The following KRT8 variants were observed in gnomAD, a reference collection of about 807,000 sequenced individuals.
The protein encoded by KRT8 is keratin 8.
KRT8 carries 24 observed loss-of-function variants against 43.0 expected under a neutral mutation model. That is an observed-to-expected ratio of 0.56 (90% confidence interval 0.40 to 0.78). KRT8 has a LOEUF of 0.78. Ranked by LOEUF, KRT8 falls within the 30% of genes least tolerant of loss-of-function variation. KRT8 has a pLI of 0.00. For missense variants in KRT8, 492 were observed against 638.4 expected (o/e 0.77, Z 2.47); for synonymous variants, 214 against 261.2 (o/e 0.82, Z 1.74).
At chr12:52,898,159 C>A (rs937319515) in intron 7 of KRT8, among the ~76,000 whole-genome samples, 1 of 152,020 alleles carries the variant, frequency 6.6e-6, no homozygotes, top group East Asian at 1.9e-4. Context: ...AGCGAGACTT[C>A]GTCTCAAAAA....
chr12:52,912,213 G>T (rs1941650279), intron 2 of KRT8, among the ~76,000 whole-genome samples: 1 of 152,148 alleles, frequency 6.6e-6, no homozygotes, highest in South Asian at 2.1e-4. Flanking sequence ...GGGCCCAAAG[G>T]TCCCCCAAGA....
At chr12:52,925,871 G>T (rs1161310939) in intron 2 of KRT8, among the ~76,000 whole-genome samples, 1 of 152,112 alleles carries the variant, frequency 6.6e-6, no homozygotes, top group African/African-American at 2.4e-5. Flanking sequence ...CAGTTCCAGG[G>T]CTGCGTTTCT....
At chr12:52,903,729 G>C (rs1477493733) in intron 1 of KRT8, 1 of 152,366 alleles carries the variant, frequency 6.6e-6, no homozygotes, top group Non-Finnish European at 1.5e-5. Context: ...GTTGGTGGGC[G>C]ACCGCGTTAT....
intron 2 of KRT8, among the ~76,000 whole-genome samples, chr12:52,943,885 G>A (rs931592939): frequency 6.6e-6 from 1 of 152,220 alleles, no homozygotes; most frequent in Non-Finnish European, 1.5e-5. Context: ...ATGATCTGGA[G>A]ATAGGTTCTT....
At chr12:52,912,084 TAAC>T (rs1411160263) in intron 2 of KRT8, among the ~76,000 whole-genome samples, 2 of 152,172 alleles carry the variant, frequency 1.3e-5, no homozygotes, top group African/African-American at 4.8e-5. Flanking sequence ...TCTGGCAGTT[TAAC>T]AACCAAGAGA....
At chr12:52,916,797 A>T (rs1941749696) in intron 2 of KRT8, among the ~76,000 whole-genome samples, 1 of 152,186 alleles carries the variant, frequency 6.6e-6, no homozygotes. Flanking sequence ...CATGCTGACC[A>T]TGCTGGAGCA....
At chr12:52,918,945 G>C (rs1941831190) in intron 2 of KRT8, among the ~76,000 whole-genome samples, 1 of 152,158 alleles carries the variant, frequency 6.6e-6, no homozygotes, top group Admixed American at 6.5e-5. Flanking sequence ...AGTGTCTGCT[G>C]CCTCTTCCCA....
intron 2 of KRT8, among the ~76,000 whole-genome samples, chr12:52,917,125 C>T (rs1307466218): frequency 6.6e-6 from 1 of 152,198 alleles, no homozygotes; most frequent in African/African-American, 2.4e-5. Flanking sequence ...CACACTGGCT[C>T]ATGCCTGTAA....
chr12:52,897,626 G>T lies in KRT8; in HGVS notation c.1262-8C>A. 1 of 1,598,078 alleles carries T rather than the reference G, an allele frequency of 6.3e-7. No individual in the cohort carries two copies. Among genetic ancestry groups the T allele is most frequent in the East Asian group, 2.2e-5 (1 of 44,886 alleles). On this transcript the variant is annotated splice_region_variant and splice_polypyrimidine_tract_variant and intron_variant, in intron 7 of 7. Coordinates refer to ENST00000692008, the Ensembl canonical transcript of KRT8. ...AGGCCGAGCTCAGACCACCTGGTGA[G>T]GGACAGAGGTAGCCACATGAGTACA...
rs118189287 is a variant in KRT8 at position 52,926,676 on chromosome 12, G to A, written c.-46-21649C>T. 8.7e-3 allele frequency among the ~76,000 whole-genome samples: 1,322 copies of A among 152,130 alleles called. 10 individuals are homozygous for A. Among genetic ancestry groups the A allele is most frequent in the Non-Finnish European group, 0.013 (908 of 68,012 alleles). On this transcript the variant is annotated intron_variant, in intron 2 of 6. Transcript: ENST00000546826. The stretch of plus-strand genomic sequence containing the variant: ...TGCACTGAACATCCACTATTAATGA[G>A]GCATTTTCCATATTTGTCTCATTTG...
chr12:52,904,827 C>T, exon 1 of KRT8: 3 of 1,612,500 alleles, frequency 1.9e-6, no homozygotes, highest in Non-Finnish European at 2.5e-6. Flanking sequence ...ACCATAGCCG[C>T]CGCCCAGGCC....
At chr12:52,918,252 A>AGAAGAAGAAGAG (rs1941816289) in intron 2 of KRT8, among the ~76,000 whole-genome samples, 1 of 151,838 alleles carries the variant, frequency 6.6e-6, no homozygotes, top group South Asian at 2.1e-4. Flanking sequence ...AAGAAGAAGA[A>AGAAGAAGAAGAG]GAAGAAACAA....
intron 1 of KRT8, 49 bp downstream of exon 1, chr12:52,904,609 A>C: frequency 6.4e-7 from 1 of 1,551,926 alleles, no homozygotes; most frequent in Non-Finnish European, 8.9e-7. Context: ...CGGGACTACC[A>C]GGAGAAAGGG....
chr12:52,940,003 G>A (rs1942240056), intron 2 of KRT8, among the ~76,000 whole-genome samples: 1 of 152,092 alleles, frequency 6.6e-6, no homozygotes, highest in African/African-American at 2.4e-5. Context: ...ACTGGTGAAT[G>A]GATAAACAAA....
At position 52,897,488 on chromosome 12, in the gene KRT8, C is replaced by A. The variant is rs201507031; in HGVS notation, c.1392G>T (p.Lys464Asn). ...GCTTCCCATCACGTGTCTCGATCTT[C>A]TTCACAACCACGGCCCTGGAGGAGC... The change falls in exon 8 of 8, where the codon AAG becomes AAT. Residue 464 changes from lysine (K) to asparagine (N), a missense_variant. By Grantham distance (94) the Lys-to-Asn change is moderately conservative. Coordinates refer to ENST00000692008, the Ensembl canonical transcript of KRT8. The A allele has an allele frequency of 2.7e-4, 439 of 1,599,194 alleles. No individual in the cohort carries two copies. The highest frequency in any genetic ancestry group is 3.5e-4 in the Non-Finnish European group (414 of 1,179,956).
Position 52,928,039 on chromosome 12 carries a change from C to T in KRT8, c.-47+21417G>A, listed in dbSNP as rs553404783. ...CACCATTGCACTCCAGGCTGGGCAA[C>T]AAAAGCAAGACTCTGTCTCAAAAAC... On this transcript the variant is annotated intron_variant, in intron 2 of 6. Coordinates refer to the KRT8 transcript ENST00000546826. Among the ~76,000 whole-genome samples, 306 of 152,278 alleles carry T rather than the reference C, an allele frequency of 2.0e-3. 1 individual carries two copies. The highest frequency in any genetic ancestry group is 4.1e-3 in the South Asian group (20 of 4,824).
intron 2 of KRT8, 71 bp downstream of exon 2, chr12:52,901,793 T>TAGTCCCAA (rs772613442): frequency 1.9e-6 from 2 of 1,060,260 alleles, no homozygotes; most frequent in Non-Finnish European, 3.0e-6. Context: ...CATGGGGACT[T>TAGTCCCAA]AGTCCCAAGG....
chr12:52,938,711 A>G (rs1297343009), intron 2 of KRT8, among the ~76,000 whole-genome samples: 5 of 151,630 alleles, frequency 3.3e-5, no homozygotes, highest in Non-Finnish European at 4.4e-5. Flanking sequence ...TCTGCCTCCC[A>G]GGTTCACGCT....
At chr12:52,949,134 G>C in intron 2 of KRT8, 1 of 1,592,960 alleles carries the variant, frequency 6.3e-7, no homozygotes, top group Non-Finnish European at 8.6e-7. Context: ...ACCGTCGTCC[G>C]CAAAGCCTGA....
Sources: allele counts gnomAD v4.1 joint callset (sites outside exome capture counted in the v4.1 genomes callset), GRCh38; gene constraint gnomAD v4.1.1; transcripts MANE v1.5; gene names NCBI Gene and HGNC (gene_info 2026-07-23, HGNC 2026-07-21).